Variants in EPM2A observed in about 807,000 individuals in gnomAD.
EPM2A encodes EPM2A glucan phosphatase, laforin, also known as laforin.
Under a neutral mutation model 26.5 loss-of-function variants are expected in EPM2A, and 21 were observed. That is an observed-to-expected ratio of 0.79 (90% CI 0.56 to 1.14). EPM2A has a LOEUF of 1.14. Ranked by LOEUF, EPM2A falls within the 50% of genes most tolerant of loss-of-function variation. The probability of loss-of-function intolerance (pLI) is 0.00; values close to 1 mark genes in which losing one functional copy is unlikely to be tolerated. For synonymous variants in EPM2A, 217 were observed against 177.6 expected, an observed-to-expected ratio of 1.22 and a Z score of -1.76; for missense variants, 458 against 440.8, an observed-to-expected ratio of 1.04 and a Z score of -0.35.
At chr6:145,668,140 T>C (rs1268545584) in intron 2 of EPM2A, among the ~76,000 whole-genome samples, 1 of 144,900 alleles carries the variant, frequency 6.9e-6, no homozygotes, top group African/African-American at 2.5e-5. Context: ...AATGTGCACA[T>C]GTACCCTAAA....
intron 1 of EPM2A, among the ~76,000 whole-genome samples, chr6:145,709,085 T>C (rs1428492001): frequency 6.6e-6 from 1 of 152,240 alleles, no homozygotes; most frequent in East Asian, 1.9e-4. Context: ...ATCCCCATTG[T>C]ATCTGAGAAG....
chr6:145,590,334 G>GAA (rs924224840), intron 2 of EPM2A, among the ~76,000 whole-genome samples: 1 of 151,708 alleles, frequency 6.6e-6, no homozygotes, highest in Non-Finnish European at 1.5e-5. Flanking sequence ...TACATAACAA[G>GAA]AAAAAGATTT....
intron 2 of EPM2A, among the ~76,000 whole-genome samples, chr6:145,556,233 T>A (rs1780726946): frequency 1.3e-5 from 2 of 152,174 alleles, no homozygotes; most frequent in Admixed American, 1.3e-4. Flanking sequence ...CCTGTGCAGA[T>A]CCCTTCAGCT....
At position 145,635,482 on chromosome 6, in the gene EPM2A, G is replaced by GAA. The variant is rs1776591286; in HGVS notation, c.479_480dup (p.Leu161PhefsTer17). On this transcript the variant is annotated frameshift_variant, in exon 3 of 4. Transcript: ENST00000367519. LOFTEE classifies it high-confidence loss of function. ...CAGCTACCCAGCCAGATATTTGGTA[G>GAA]AATTCTAATGAGAACATATGGAGAC... is the stretch of plus-strand genomic sequence containing the variant. The GAA allele has an allele frequency of 6.2e-7, 1 of 1,613,902 alleles. No individual in the cohort carries two copies. The highest frequency in any genetic ancestry group is 1.1e-5 in the South Asian group (1 of 91,084).
intron 2 of EPM2A, among the ~76,000 whole-genome samples, chr6:145,578,810 C>T (rs1781072188): frequency 6.6e-6 from 1 of 152,104 alleles, no homozygotes; most frequent in Non-Finnish European, 1.5e-5. Flanking sequence ...CCTTATTCCC[C>T]TTTATATTCT....
intron 4 of EPM2A, among the ~76,000 whole-genome samples, chr6:145,388,377 C>G (rs1170490671): frequency 6.6e-6 from 1 of 152,156 alleles, no homozygotes; most frequent in African/African-American, 2.4e-5. Flanking sequence ...ACTACAGCCA[C>G]TGCTAGCTGT....
At chr6:145,701,011 T>C (rs13216882) in intron 1 of EPM2A, among the ~76,000 whole-genome samples, 1 of 152,146 alleles carries the variant, frequency 6.6e-6, no homozygotes, top group Non-Finnish European at 1.5e-5. Flanking sequence ...ATACAGCTAG[T>C]TGAAATGGAG....
intron 2 of EPM2A, among the ~76,000 whole-genome samples, chr6:145,543,745 C>T (rs1185461645): frequency 6.6e-6 from 1 of 152,110 alleles, no homozygotes; most frequent in African/African-American, 2.4e-5. Context: ...TGTAGATTTT[C>T]CAGACCACTC....
chr6:145,640,979 T>C (rs1045138420), intron 2 of EPM2A: 39 of 152,362 alleles, frequency 2.6e-4, no homozygotes, highest in African/African-American at 8.2e-4. Flanking sequence ...AGTTTTATTA[T>C]AGTTTTTTAT....
intron 2 of EPM2A, among the ~76,000 whole-genome samples, chr6:145,645,640 A>T (rs1313861436): frequency 6.6e-6 from 1 of 151,560 alleles, no homozygotes; most frequent in Non-Finnish European, 1.5e-5. Flanking sequence ...TGGTTCTATC[A>T]CCCAGGCTGG....
chr6:145,476,457 A>G (rs1000520131), intron 4 of EPM2A, among the ~76,000 whole-genome samples: 2 of 152,100 alleles, frequency 1.3e-5, no homozygotes, highest in African/African-American at 2.4e-5. Context: ...ATGGATCTAA[A>G]TATATTTACA....
intron 2 of EPM2A, among the ~76,000 whole-genome samples, chr6:145,646,620 AGTGTGAGTGTT>A (rs1295760480): frequency 6.6e-6 from 1 of 152,092 alleles, no homozygotes; most frequent in Admixed American, 6.5e-5. Flanking sequence ...ATGCCTTTTA[AGTGTGAGTGTT>A]CCTTAGAGTT....
intron 1 of EPM2A, among the ~76,000 whole-genome samples, chr6:145,711,729 T>G (rs1184660237): frequency 6.6e-6 from 1 of 152,152 alleles, no homozygotes; most frequent in Non-Finnish European, 1.5e-5. Flanking sequence ...CAAATGTTTT[T>G]TAGAAAAGTT....
intron 2 of EPM2A, among the ~76,000 whole-genome samples, chr6:145,506,309 A>C (rs1180918823): frequency 6.6e-6 from 1 of 152,240 alleles, no homozygotes; most frequent in Non-Finnish European, 1.5e-5. Flanking sequence ...AAGAATTTGC[A>C]ATAATTATTC....
intron 1 of EPM2A, among the ~76,000 whole-genome samples, chr6:145,724,493 C>G (rs1776096820): frequency 6.6e-6 from 1 of 152,006 alleles, no homozygotes; most frequent in Non-Finnish European, 1.5e-5. Context: ...CTATTCTGTA[C>G]AAGTCAACAA....
In EPM2A at chr6:145,735,252, TGTCC is replaced by T; in HGVS notation, c.243_246del (p.Asp82ArgfsTer7). 6.5e-7 allele frequency: 1 copy of T among 1,533,374 alleles called. No homozygotes were observed. The highest frequency in any genetic ancestry group is 8.8e-7 in the Non-Finnish European group (1 of 1,139,246). 95.0% of individuals were successfully genotyped at this position (1,533,374 alleles called of 1,614,324 possible). The stretch of plus-strand genomic sequence containing the variant: ...CGCTTCAGGAACTTGTACCAGAACG[TGTCC>T]ACGCGGCCCGGCTCCGCCCCGTCCT... On this transcript the variant is annotated frameshift_variant, in exon 1 of 4. Coordinates refer to ENST00000367519, the MANE Select transcript of EPM2A (RefSeq NM_005670.4). LOFTEE classifies it high-confidence loss of function.
chr6:145,646,344 T>C (rs536435197), intron 2 of EPM2A, among the ~76,000 whole-genome samples: 1 of 151,760 alleles, frequency 6.6e-6, no homozygotes, highest in Non-Finnish European at 1.5e-5. Context: ...TAATTTTTTA[T>C]TTTTTGTATT....
chr6:145,456,137 A>G (rs1330494826), intron 4 of EPM2A, among the ~76,000 whole-genome samples: 1 of 152,254 alleles, frequency 6.6e-6, no homozygotes, highest in African/African-American at 2.4e-5. Context: ...AGTTACCTGC[A>G]TGGCTGTCAG....
chr6:145,625,777 G>T lies in EPM2A; in HGVS notation c.*1639C>A. 7.5e-7 allele frequency: 1 copy of T among 1,335,058 alleles called. No individual in the cohort carries two copies. Among genetic ancestry groups the T allele is most frequent in the Non-Finnish European group, 1.1e-6 (1 of 933,004 alleles). The allele number at this position is 1,335,058 out of a possible 1,614,324, so 82.7% of individuals were successfully genotyped here. ...CTAAGTGCCACAGTTCTATCTCCCC[G>T]TCCTCTGAGCTCCACTGAAACTTAC... On this transcript the variant is annotated 3_prime_UTR_variant, in exon 4 of 4. Transcript: ENST00000367519.
Sources: gnomAD v4.1 joint callset for allele counts (sites outside exome capture counted in the v4.1 genomes callset) on GRCh38, gnomAD v4.1.1 for gene constraint, MANE v1.5 for transcripts, NCBI Gene and HGNC (gene_info 2026-07-23, HGNC 2026-07-21) for gene names.